Variants in LRRIQ3 observed in about 807,000 individuals in gnomAD.
LRRIQ3 encodes the protein leucine rich repeats and IQ motif containing 3, also known as leucine-rich repeat and IQ domain-containing protein 3.
Under a neutral mutation model 59.3 loss-of-function variants are expected in LRRIQ3, and 75 were observed. That is an observed-to-expected ratio of 1.26 (90% CI 1.05 to 1.53). The LOEUF (loss-of-function observed/expected upper bound fraction) is 1.53. LRRIQ3 is among the 40% of genes most tolerant of loss of function. The pLI is 0.00. For synonymous variants in LRRIQ3, 250 were observed against 231.3 expected (o/e 1.08, Z -0.73); for missense variants, 831 against 710.0 (o/e 1.17, Z -1.94).
At chr1:74,147,821 A>C (rs191384364) in intron 4 of LRRIQ3, among the ~76,000 whole-genome samples, 3 of 152,182 alleles carry the variant, frequency 2.0e-5, no homozygotes, top group Admixed American at 2.0e-4. Context: ...ATGTGGGTCT[A>C]TATGTTTTGC....
At chr1:74,169,561 T>C (rs960088215) in intron 3 of LRRIQ3, among the ~76,000 whole-genome samples, 16 of 152,144 alleles carry the variant, frequency 1.1e-4, no homozygotes, top group African/African-American at 3.4e-4. Context: ...TCCAACACTT[T>C]TTTTTAAGAG....
chr1:74,174,081 C>T (rs1210612122), intron 3 of LRRIQ3, among the ~76,000 whole-genome samples: 1 of 152,000 alleles, frequency 6.6e-6, no homozygotes, highest in Non-Finnish European at 1.5e-5. Context: ...GTGACGTGTT[C>T]AGTCATTATT....
chr1:74,108,487 AT>A (rs1441580825), intron 5 of LRRIQ3, among the ~76,000 whole-genome samples: 1 of 151,764 alleles, frequency 6.6e-6, no homozygotes, highest in Non-Finnish European at 1.5e-5. Flanking sequence ...GAACATTACT[AT>A]GCTATATCTG....
chr1:74,063,063 G>GCAAAA (rs141608137), intron 6 of LRRIQ3, among the ~76,000 whole-genome samples: 126,122 of 149,734 alleles, frequency 0.84, 54,094 homozygotes, highest in East Asian at 0.96. Flanking sequence ...CACTACCAAA[G>GCAAAA]CAAAACAAAA....
At chr1:74,138,882 T>A (rs1203118061) in intron 4 of LRRIQ3, among the ~76,000 whole-genome samples, 1 of 151,614 alleles carries the variant, frequency 6.6e-6, no homozygotes, top group African/African-American at 2.4e-5. Context: ...CCCAGTCCAC[T>A]TATCATAGAA....
At chr1:74,035,580 T>C (rs554716821) in intron 7 of LRRIQ3, among the ~76,000 whole-genome samples, 1 of 152,136 alleles carries the variant, frequency 6.6e-6, no homozygotes, top group South Asian at 2.1e-4. Flanking sequence ...TTTGAGAAAG[T>C]TTTGTCCAAA....
intron 6 of LRRIQ3, among the ~76,000 whole-genome samples, chr1:74,052,562 G>A (rs915279697): frequency 6.6e-6 from 1 of 151,986 alleles, no homozygotes; most frequent in Admixed American, 6.6e-5. Context: ...TTATGTTCTC[G>A]ATAATGGTAG....
At chr1:74,186,057 A>G (rs143481758) in intron 1 of LRRIQ3, among the ~76,000 whole-genome samples, 4 of 149,052 alleles carry the variant, frequency 2.7e-5, no homozygotes, top group Admixed American at 6.7e-5. Flanking sequence ...AATTATATAT[A>G]TAATTATATT....
chr1:74,055,856 G>T (rs1195376408), intron 6 of LRRIQ3, among the ~76,000 whole-genome samples: 1 of 152,048 alleles, frequency 6.6e-6, no homozygotes, highest in Non-Finnish European at 1.5e-5. Flanking sequence ...GATAAAAATT[G>T]AATAAAGTCC....
Position 74,182,581 on chromosome 1 carries a change from C to T in LRRIQ3, c.530G>A (p.Cys177Tyr). The T allele has an allele frequency of 6.3e-7, 1 of 1,599,254 alleles. No individual in the cohort carries two copies. The highest frequency in any genetic ancestry group is 8.5e-7 in the Non-Finnish European group (1 of 1,172,996). ...NWHLPERFKA[C>Y]NHRLFFNFCP... ...GAAATTAAAGAAAAGTCGATGGTTACATGCTTTGAATCTTTCAGGAAGATG... is the reference window on the plus strand; with the variant it reads ...GAAATTAAAGAAAAGTCGATGGTTATATGCTTTGAATCTTTCAGGAAGATG... Residue 177 changes from cysteine to tyrosine, a missense_variant, in exon 3 of 8, where the codon TGT becomes TAT. Cys to Tyr is a radical substitution (Grantham distance 194). Coordinates refer to ENST00000354431, the MANE Select transcript of LRRIQ3 (RefSeq NM_001105659.2).
intron 4 of LRRIQ3, among the ~76,000 whole-genome samples, chr1:74,152,836 G>A (rs903484318): frequency 2.0e-5 from 3 of 152,078 alleles, no homozygotes; most frequent in Non-Finnish European, 4.4e-5. Flanking sequence ...TGTTAATACC[G>A]GAACCTGATA....
chr1:74,084,153 A>G (rs1646302175), intron 5 of LRRIQ3: 1 of 1,543,614 alleles, frequency 6.5e-7, no homozygotes, highest in African/African-American at 1.4e-5. Flanking sequence ...TTTGGCACTG[A>G]TGAGAGATGA....
chr1:74,079,792 C>T (rs1323813078), intron 5 of LRRIQ3, among the ~76,000 whole-genome samples: 2 of 151,910 alleles, frequency 1.3e-5, no homozygotes, highest in South Asian at 2.1e-4. Flanking sequence ...TGATGTAAAA[C>T]AAAGCTCCAT....
intron 5 of LRRIQ3, among the ~76,000 whole-genome samples, chr1:74,105,239 GT>G (rs1646593431): frequency 1.8e-4 from 1 of 5,564 alleles, no homozygotes. Context: ...CATCTATGTG[GT>G]GTGTGTGTGT....
rs562553752 is a variant in LRRIQ3, at chr1:74,183,338, G to C, written c.249+98C>G. ...ATTTTTGTTTATATTTTAGACAAAAGACCATGTTGAAGAAATACTGTGGAT... is the reference window on the plus strand; with the variant it reads ...ATTTTTGTTTATATTTTAGACAAAACACCATGTTGAAGAAATACTGTGGAT... On this transcript the variant is annotated intron_variant, in intron 2 of 7. Transcript: ENST00000354431. The C allele has an allele frequency of 7.5e-6, 8 of 1,065,252 alleles. No homozygotes were observed. In the African/African-American group the frequency reaches 1.3e-4, roughly 17 times the overall value. The allele number at this position is 1,065,252 out of a possible 1,614,324, so 66.0% of individuals were successfully genotyped here. A position where few individuals can be genotyped will look rare whatever the true frequency, so the allele number is the denominator to read the frequency against.
intron 6 of LRRIQ3, among the ~76,000 whole-genome samples, chr1:74,065,967 A>T (rs563494820): frequency 6.6e-6 from 1 of 152,168 alleles, no homozygotes; most frequent in South Asian, 2.1e-4. Flanking sequence ...TGAGTGAATC[A>T]CCCGAGGTGA....
At chr1:74,104,815 G>A (rs1646586127) in intron 5 of LRRIQ3, among the ~76,000 whole-genome samples, 3 of 151,894 alleles carry the variant, frequency 2.0e-5, no homozygotes, top group South Asian at 2.1e-4. Flanking sequence ...TGGAAACTAC[G>A]GACTTTAGGT....
intron 5 of LRRIQ3, among the ~76,000 whole-genome samples, chr1:74,098,656 A>C (rs1646485266): frequency 6.6e-6 from 1 of 152,204 alleles, no homozygotes; most frequent in South Asian, 2.1e-4. Flanking sequence ...AGTTGCAAGT[A>C]AAGCACTCCT....
At chr1:74,042,868 A>G (rs1421281518) in intron 6 of LRRIQ3, among the ~76,000 whole-genome samples, 1 of 152,102 alleles carries the variant, frequency 6.6e-6, no homozygotes, top group East Asian at 1.9e-4. Flanking sequence ...TTTAAGAAAC[A>G]ATGTGCACCT....
Sources: allele counts gnomAD v4.1 joint callset (sites outside exome capture counted in the v4.1 genomes callset), GRCh38; gene constraint gnomAD v4.1.1; transcripts MANE v1.5; gene names NCBI Gene and HGNC (gene_info 2026-07-23, HGNC 2026-07-21).